The following HCN1 variants were observed in gnomAD, a reference collection of about 807,000 sequenced individuals.
HCN1 encodes the protein hyperpolarization activated cyclic nucleotide gated potassium channel 1.
In HCN1, 13 loss-of-function variants were observed where a neutral mutation model predicts 78.9. That is an observed-to-expected ratio of 0.16 (90% confidence interval 0.11 to 0.26). HCN1 has a LOEUF of 0.26. Ranked by LOEUF, HCN1 falls within the 10% of genes least tolerant of loss-of-function variation. The probability of loss-of-function intolerance (pLI) is 1.00; values close to 1 mark genes in which losing one functional copy is unlikely to be tolerated. For missense variants in HCN1, 810 were observed against 1,154.3 expected, an observed-to-expected ratio of 0.70 and a Z score of 4.32; for synonymous variants, 552 against 455.5, an observed-to-expected ratio of 1.21 and a Z score of -2.70.
At chr5:45,400,021 T>A (rs1281974143) in intron 3 of HCN1, among the ~76,000 whole-genome samples, 1 of 152,106 alleles carries the variant, frequency 6.6e-6, no homozygotes, top group African/African-American at 2.4e-5. Flanking sequence ...ATTTCCAAAA[T>A]TCTAGATGGT....
intron 2 of HCN1, among the ~76,000 whole-genome samples, chr5:45,626,024 C>T (rs1172184666): frequency 6.6e-6 from 1 of 152,188 alleles, no homozygotes; most frequent in East Asian, 1.9e-4. Flanking sequence ...GGACTCTTTA[C>T]AGAGATACTA....
chr5:45,453,640 G>T (rs1188937702), intron 3 of HCN1, among the ~76,000 whole-genome samples: 1 of 152,016 alleles, frequency 6.6e-6, no homozygotes, highest in East Asian at 1.9e-4. Flanking sequence ...TTAATCCAAG[G>T]GGAAATATGG....
intron 2 of HCN1, among the ~76,000 whole-genome samples, chr5:45,479,606 G>A (rs1310733866): frequency 6.6e-6 from 1 of 152,166 alleles, no homozygotes; most frequent in Non-Finnish European, 1.5e-5. Context: ...AAGACAAAGA[G>A]AAGGAAAGAG....
intron 5 of HCN1, among the ~76,000 whole-genome samples, chr5:45,340,982 T>G (rs1167741251): frequency 6.6e-6 from 1 of 152,208 alleles, no homozygotes; most frequent in East Asian, 1.9e-4. Flanking sequence ...TAAAAAATCC[T>G]TTTTGCATTC....
chr5:45,281,767 G>A (rs973920712), intron 6 of HCN1, among the ~76,000 whole-genome samples: 1 of 150,544 alleles, frequency 6.6e-6, no homozygotes, highest in African/African-American at 2.4e-5. Context: ...ATTTTTTTTT[G>A]TATTTTAGTA....
intron 6 of HCN1, among the ~76,000 whole-genome samples, chr5:45,278,393 T>A (rs1179805045): frequency 6.6e-6 from 1 of 152,054 alleles, no homozygotes; most frequent in African/African-American, 2.4e-5. Flanking sequence ...TTGTGCAAGA[T>A]AACAGAAAAA....
chr5:45,489,696 C>A (rs6880506), intron 2 of HCN1, among the ~76,000 whole-genome samples: 1 of 152,108 alleles, frequency 6.6e-6, no homozygotes, highest in Non-Finnish European at 1.5e-5. Context: ...ACGAGTCAAT[C>A]TATGATGAGC....
chr5:45,583,212 TG>T (rs1289136808), intron 2 of HCN1, among the ~76,000 whole-genome samples: 1 of 152,192 alleles, frequency 6.6e-6, no homozygotes, highest in African/African-American at 2.4e-5. Flanking sequence ...AGCCTGTTTT[TG>T]GTCTATTCAG....
At chr5:45,354,193 T>G (rs1746965935) in intron 4 of HCN1, among the ~76,000 whole-genome samples, 2 of 151,914 alleles carry the variant, frequency 1.3e-5, no homozygotes, top group African/African-American at 4.8e-5. Flanking sequence ...AATAAGAATT[T>G]GCATCTTAAA....
intron 2 of HCN1, among the ~76,000 whole-genome samples, chr5:45,519,019 G>T (rs1279193466): frequency 6.6e-6 from 1 of 151,528 alleles, no homozygotes. Flanking sequence ...TTCACAGAGG[G>T]CCCTAAGACC....
chr5:45,522,673 CA>C (rs1215132826), intron 2 of HCN1, among the ~76,000 whole-genome samples: 1 of 148,970 alleles, frequency 6.7e-6, no homozygotes, highest in Admixed American at 6.7e-5. Flanking sequence ...ATAAAACCAT[CA>C]AAAAATATCT....
chr5:45,612,744 A>C (rs1337082236), intron 2 of HCN1, among the ~76,000 whole-genome samples: 1 of 152,172 alleles, frequency 6.6e-6, no homozygotes, highest in African/African-American at 2.4e-5. Context: ...AAAGTATAGT[A>C]GCCATTCTTC....
At chr5:45,364,763 A>G (rs995290744) in intron 4 of HCN1, among the ~76,000 whole-genome samples, 2 of 152,092 alleles carry the variant, frequency 1.3e-5, no homozygotes, top group Non-Finnish European at 2.9e-5. Context: ...AATTAAAATA[A>G]TATGAGAATT....
intron 1 of HCN1, among the ~76,000 whole-genome samples, chr5:45,660,170 T>C (rs903602258): frequency 8.2e-6 from 1 of 122,492 alleles, no homozygotes; most frequent in Non-Finnish European, 1.6e-5. Flanking sequence ...AAGAAAAGAA[T>C]TTTCAACCCA....
chr5:45,289,643 A>C (rs187228770), intron 6 of HCN1, among the ~76,000 whole-genome samples: 366 of 152,202 alleles, frequency 2.4e-3, no homozygotes, highest in Non-Finnish European at 4.3e-3. Context: ...AGTGAGACTC[A>C]AAAGTCAAAT....
chr5:45,261,873 G>T lies in HCN1; in HGVS notation c.*48C>A, dbSNP rs767968615. 3 of 1,605,798 alleles carry T rather than the reference G, an allele frequency of 1.9e-6. No individual in the cohort carries two copies. The highest frequency in any genetic ancestry group is 3.3e-5 in the Admixed American group (2 of 59,982). The stretch of plus-strand genomic sequence containing the variant: ...TAGAATAAAATAAGATCTGAGTATA[G>T]TCTCAGTTTATGAGAGTATTTCTTT... On this transcript the variant is annotated 3_prime_UTR_variant, in exon 8 of 8. Transcript: ENST00000303230.
intron 3 of HCN1, among the ~76,000 whole-genome samples, chr5:45,416,734 G>C (rs555946511): frequency 6.6e-6 from 1 of 151,944 alleles, no homozygotes; most frequent in East Asian, 1.9e-4. Flanking sequence ...CAATTAATTG[G>C]ATAAGATTGT....
chr5:45,594,944 T>C (rs531250160), intron 2 of HCN1, among the ~76,000 whole-genome samples: 11 of 152,264 alleles, frequency 7.2e-5, no homozygotes, highest in Non-Finnish European at 2.9e-5. Flanking sequence ...TTAAAACATC[T>C]AAGAGTAATC....
At chr5:45,443,440 T>A (rs942649025) in intron 3 of HCN1, among the ~76,000 whole-genome samples, 1 of 152,090 alleles carries the variant, frequency 6.6e-6, no homozygotes, top group African/African-American at 2.4e-5. Flanking sequence ...GTTGTTTATT[T>A]CATACAGATT....
Sources: gnomAD v4.1 joint callset for allele counts (sites outside exome capture counted in the v4.1 genomes callset) on GRCh38, gnomAD v4.1.1 for gene constraint, MANE v1.5 for transcripts, NCBI Gene and HGNC (gene_info 2026-07-23, HGNC 2026-07-21) for gene names.